Variants in PDE11A observed in about 807,000 individuals in gnomAD.
PDE11A encodes the protein dual 3',5'-cyclic-AMP and -GMP phosphodiesterase 11A.
In PDE11A, 100 loss-of-function variants were observed where a neutral mutation model predicts 100.5. The ratio of observed to expected loss-of-function variants is 1.00; its 90% CI spans 0.85 to 1.18. PDE11A has a LOEUF of 1.18. Among genes scored for constraint, PDE11A ranks in the 50% most tolerant of loss-of-function variants. The pLI, the probability that PDE11A is intolerant of heterozygous loss-of-function variation, is 0.00. For synonymous variants in PDE11A, 381 were observed against 420.8 expected (o/e 0.91, Z 1.16); for missense variants, 1,141 against 1,152.6 (o/e 0.99, Z 0.15).
At chr2:177,914,058 T>A (rs925657919) in intron 2 of PDE11A, among the ~76,000 whole-genome samples, 7 of 152,190 alleles carry the variant, frequency 4.6e-5, no homozygotes, top group Admixed American at 2.0e-4. Flanking sequence ...TTTAAAATCT[T>A]GTCTATCCGA....
In PDE11A at chr2:177,745,871, A is replaced by G. The variant is rs536218193; in HGVS notation, c.1789-17699T>C. Among the ~76,000 whole-genome samples the G allele has an allele frequency of 5.9e-5, 9 of 152,294 alleles. No individual in the cohort carries two copies. The South Asian group carries it at 1.5e-3, about 25-fold the overall frequency. On this transcript the variant is annotated intron_variant, in intron 10 of 19. Coordinates refer to ENST00000286063, the MANE Select transcript of PDE11A (RefSeq NM_016953.4). Reference sequence around the variant, plus strand: ...GGGGATGGTATCAGCCATGGCTGCCAGCTGAGGAGACTAGGGAGCCCAAGA... The same window carrying G: ...GGGGATGGTATCAGCCATGGCTGCCGGCTGAGGAGACTAGGGAGCCCAAGA...
At chr2:177,916,927 ATTTTTT>A (rs1183483256) in intron 2 of PDE11A, among the ~76,000 whole-genome samples, 4 of 105,314 alleles carry the variant, frequency 3.8e-5, no homozygotes, top group South Asian at 6.8e-4. Context: ...CGCCCGGCTA[ATTTTTT>A]TTTTTTTTTT....
At chr2:177,634,960 T>C (rs2080017007) in intron 19 of PDE11A, among the ~76,000 whole-genome samples, 1 of 152,142 alleles carries the variant, frequency 6.6e-6, no homozygotes, top group Non-Finnish European at 1.5e-5. Flanking sequence ...ACCCATCTGA[T>C]CACTCTCCAT....
intron 10 of PDE11A, among the ~76,000 whole-genome samples, chr2:177,744,432 G>A (rs1336410811): frequency 6.6e-6 from 1 of 151,528 alleles, no homozygotes; most frequent in Non-Finnish European, 1.5e-5. Context: ...TGTTTGCTCT[G>A]TGGAGGGCAG....
rs539031720 is a variant in PDE11A at position 177,770,626 on chromosome 2, T to A, written c.1738-1253A>T. ...TCTGGTGTGTATGAGGTGACAAGCA[T>A]GGCAGTGAATGCCAGCTTGCTGTGA... On this transcript the variant is annotated intron_variant, in intron 9 of 19. Coordinates refer to ENST00000286063, the MANE Select transcript of PDE11A (RefSeq NM_016953.4). 3.6e-4 allele frequency among the ~76,000 whole-genome samples: 55 copies of A among 152,292 alleles called. 1 individual carries two copies. The highest frequency in any genetic ancestry group is 1.3e-3 in the African/African-American group (55 of 41,572).
chr2:177,896,492 A>G (rs944704274), intron 4 of PDE11A, among the ~76,000 whole-genome samples: 1 of 151,960 alleles, frequency 6.6e-6, no homozygotes, highest in African/African-American at 2.4e-5. Context: ...ACCCCCAGCC[A>G]CTTGCTCCCA....
chr2:178,086,053 T>G (rs1162083733), intron 2 of PDE11A, among the ~76,000 whole-genome samples: 1 of 152,200 alleles, frequency 6.6e-6, no homozygotes, highest in African/African-American at 2.4e-5. Flanking sequence ...TGGGCTCAGC[T>G]GGGACTCTGG....
intron 5 of PDE11A, among the ~76,000 whole-genome samples, chr2:177,853,347 C>G (rs894759312): frequency 6.6e-6 from 1 of 151,842 alleles, no homozygotes; most frequent in African/African-American, 2.4e-5. Flanking sequence ...CTTTATATCA[C>G]AAAGATTTTT....
chr2:177,629,562 C>T lies in PDE11A; in HGVS notation c.2647G>A (p.Ala883Thr), dbSNP rs79400048. Reference sequence around the variant, plus strand: ...AGTTTCACGTTGACCTTCACCAGTGCCTAAAACAAAACAAAACAAAACACA... The same window carrying T: ...AGTTTCACGTTGACCTTCACCAGTGTCTAAAACAAAACAAAACAAAACACA... ...IDSICMPLYQ[A>T]LVKVNVKLKP... Residue 883 changes from alanine to threonine, a missense_variant and splice_region_variant, in exon 20 of 20, where the codon GCA (alanine) becomes ACA (threonine). By Grantham distance (58) the Ala-to-Thr change is moderately conservative. Transcript: ENST00000286063. The T allele has an allele frequency of 1.3e-4, 208 of 1,613,896 alleles. No homozygotes were observed. The Admixed American group carries it at 3.3e-3, about 26-fold the overall frequency.
At chr2:178,078,020 C>G (rs2087229493) in intron 2 of PDE11A, among the ~76,000 whole-genome samples, 1 of 151,990 alleles carries the variant, frequency 6.6e-6, no homozygotes, top group African/African-American at 2.4e-5. Context: ...TTCAAGTCAC[C>G]ATGTTTGTGG....
chr2:177,825,879 C>T (rs1349550977), intron 6 of PDE11A, among the ~76,000 whole-genome samples: 1 of 152,160 alleles, frequency 6.6e-6, no homozygotes, highest in Non-Finnish European at 1.5e-5. Flanking sequence ...ACAGCTGATT[C>T]TCATCTTTGT....
chr2:177,702,834 A>G lies in PDE11A; in HGVS notation c.2154-1623T>C, dbSNP rs905339260. ...TTAGGTGCTTAGTAAGGAGGGTATTAGATTTTAATCATATATGTGTTATTT... is the reference window on the plus strand; with the variant it reads ...TTAGGTGCTTAGTAAGGAGGGTATTGGATTTTAATCATATATGTGTTATTT... On this transcript the variant is annotated intron_variant, in intron 13 of 19. Coordinates refer to ENST00000286063, the MANE Select transcript of PDE11A (RefSeq NM_016953.4). The G allele has an allele frequency of 3.3e-5, 5 of 152,318 alleles. No homozygotes were observed. In the Middle Eastern group the frequency reaches 0.01, roughly 311 times the overall value. The allele number at this position is 152,318 out of a possible 1,614,324, so 9.4% of individuals were successfully genotyped here.
At chr2:177,740,974 T>C (rs541206307) in intron 10 of PDE11A, among the ~76,000 whole-genome samples, 1 of 152,334 alleles carries the variant, frequency 6.6e-6, no homozygotes, top group Admixed American at 6.5e-5. Flanking sequence ...AGCTGTGGCC[T>C]TGAGCATCAG....
At chr2:177,897,949 G>A in intron 4 of PDE11A, 109 bp downstream of exon 4, 4 of 917,096 alleles carry the variant, frequency 4.4e-6, no homozygotes, top group Non-Finnish European at 5.4e-6. Context: ...CATGGTTGAA[G>A]AGTCACGAAG....
chr2:178,098,573 G>A (rs2087523201), intron 2 of PDE11A, among the ~76,000 whole-genome samples: 1 of 152,130 alleles, frequency 6.6e-6, no homozygotes, highest in African/African-American at 2.4e-5. Flanking sequence ...CAATCTAATT[G>A]TAGAGGCACA....
intron 9 of PDE11A, among the ~76,000 whole-genome samples, chr2:177,772,072 C>T (rs2082319516): frequency 6.6e-6 from 1 of 151,980 alleles, no homozygotes; most frequent in Non-Finnish European, 1.5e-5. Context: ...TAGTTATTAA[C>T]AAAAAGTTTC....
intron 1 of PDE11A, chr2:178,018,551 T>C: frequency 8.0e-6 from 3 of 375,942 alleles, no homozygotes; most frequent in South Asian, 6.5e-5. Context: ...GCCATTCCAC[T>C]AACAATAAAA....
intron 2 of PDE11A, among the ~76,000 whole-genome samples, chr2:177,936,076 T>C (rs1289496148): frequency 6.6e-6 from 1 of 152,202 alleles, no homozygotes; most frequent in African/African-American, 2.4e-5. Context: ...ACCTACCGTC[T>C]TAGGGAACCA....
chr2:177,722,476 G>A (rs2081545025), intron 12 of PDE11A, among the ~76,000 whole-genome samples: 1 of 152,124 alleles, frequency 6.6e-6, no homozygotes, highest in African/African-American at 2.4e-5. Context: ...TCTTAATTAT[G>A]TGCAGCTTTG....
Sources: gnomAD v4.1 joint callset for allele counts (sites outside exome capture counted in the v4.1 genomes callset) on GRCh38, gnomAD v4.1.1 for gene constraint, MANE v1.5 for transcripts, NCBI Gene and HGNC (gene_info 2026-07-23, HGNC 2026-07-21) for gene names.